Variants in TMEM135 observed in about 807,000 individuals in gnomAD.
The protein encoded by TMEM135 is peroxisomal membrane protein 52.
A neutral mutation model predicts 60.3 loss-of-function variants in TMEM135; 30 were observed. The observed-to-expected ratio is 0.50, with a 90% CI of 0.37 to 0.68. The LOEUF is 0.68. TMEM135 is among the 30% of genes least tolerant of loss of function. The pLI is 0.00. For missense variants in TMEM135, 468 were observed against 548.8 expected (o/e 0.85, Z 1.47); for synonymous variants, 190 against 186.7 (o/e 1.02, Z -0.14).
At position 87,235,379 on chromosome 11, in the gene TMEM135, A is replaced by T. The variant is rs182149755; in HGVS notation, c.463-1259A>T. Reference sequence around the variant, plus strand: ...TGTTACATAAATATATATAATATTTACTTCATATTAATTGATAACAATCCT... The same window carrying T: ...TGTTACATAAATATATATAATATTTTCTTCATATTAATTGATAACAATCCT... On this transcript the variant is annotated intron_variant, in intron 5 of 14. Coordinates refer to ENST00000305494, the MANE Select transcript of TMEM135 (RefSeq NM_022918.4). Among the ~76,000 whole-genome samples, 335 of 151,966 alleles carry T rather than the reference A, an allele frequency of 2.2e-3. 1 individual carries two copies. The highest frequency in any genetic ancestry group is 7.8e-3 in the African/African-American group (323 of 41,500).
chr11:87,142,438 CAAT>C (rs1938288873), intron 4 of TMEM135, among the ~76,000 whole-genome samples: 2 of 152,114 alleles, frequency 1.3e-5, no homozygotes. Context: ...TCCCCTATCT[CAAT>C]TATTATTTCA....
At position 87,326,135 on chromosome 11, in the gene TMEM135, C is replaced by T. The variant is rs1369305390; in HGVS notation, c.*4802C>T. 1 of 453,972 alleles carries T rather than the reference C, an allele frequency of 2.2e-6. No homozygotes were observed. Among genetic ancestry groups the T allele is most frequent in the South Asian group, 1.6e-5 (1 of 64,470 alleles). The allele number at this position is 453,972 out of a possible 1,614,324, so 28.1% of individuals were successfully genotyped here. On this transcript the variant is annotated 3_prime_UTR_variant, in exon 15 of 15. Coordinates refer to ENST00000305494, the MANE Select transcript of TMEM135 (RefSeq NM_022918.4). ...GTTTTGTGCCATACTCTCCCCCACC[C>T]CCAGCCTGCTGCCTCTGCAGAGCAT...
intron 5 of TMEM135, among the ~76,000 whole-genome samples, chr11:87,181,377 A>C (rs1485532150): frequency 6.6e-6 from 1 of 152,208 alleles, no homozygotes; most frequent in African/African-American, 2.4e-5. Flanking sequence ...GACCCAGAGG[A>C]GAGGACAAAG....
intron 6 of TMEM135, among the ~76,000 whole-genome samples, chr11:87,271,583 T>C (rs1361605684): frequency 6.6e-6 from 1 of 152,188 alleles, no homozygotes; most frequent in African/African-American, 2.4e-5. Context: ...ATATTTTATA[T>C]TGATTATTTG....
intron 5 of TMEM135, among the ~76,000 whole-genome samples, chr11:87,188,317 T>C (rs1278044076): frequency 6.6e-5 from 10 of 152,198 alleles, no homozygotes; most frequent in Admixed American, 3.9e-4. Flanking sequence ...AATAAGAAGT[T>C]ATAGCCTAGC....
intron 8 of TMEM135, 73 bp downstream of exon 8, chr11:87,302,515 A>AT: frequency 6.3e-7 from 1 of 1,594,674 alleles, no homozygotes; most frequent in Non-Finnish European, 8.6e-7. Context: ...TGCCAAGGTT[A>AT]TTTTTGTTTT....
At chr11:87,234,570 A>G (rs1161426526) in intron 5 of TMEM135, among the ~76,000 whole-genome samples, 1 of 152,044 alleles carries the variant, frequency 6.6e-6, no homozygotes, top group East Asian at 1.9e-4. Flanking sequence ...CACTTATGTC[A>G]GTTACAAAAC....
intron 5 of TMEM135, among the ~76,000 whole-genome samples, chr11:87,172,717 A>G (rs1003293047): frequency 3.9e-5 from 6 of 152,124 alleles, no homozygotes; most frequent in South Asian, 2.1e-4. Context: ...CTTTAATTCA[A>G]TCAGCTTTCA....
chr11:87,072,202 A>G (rs541988841), intron 3 of TMEM135, among the ~76,000 whole-genome samples: 1 of 152,258 alleles, frequency 6.6e-6, no homozygotes, highest in African/African-American at 2.4e-5. Flanking sequence ...CTCAAAAAAC[A>G]AGCAAATAAA....
At chr11:87,042,634 T>G (rs1020239901) in intron 1 of TMEM135, among the ~76,000 whole-genome samples, 5 of 152,150 alleles carry the variant, frequency 3.3e-5, no homozygotes, top group African/African-American at 9.7e-5. Context: ...AGCCCCAACA[T>G]GAAGGAAGAT....
chr11:87,259,570 A>G (rs1046138440), intron 6 of TMEM135, among the ~76,000 whole-genome samples: 5 of 152,192 alleles, frequency 3.3e-5, no homozygotes, highest in Non-Finnish European at 7.4e-5. Context: ...TTCAAATAAA[A>G]CATCCATATT....
intron 7 of TMEM135, among the ~76,000 whole-genome samples, chr11:87,300,058 A>G (rs1252612192): frequency 2.0e-5 from 3 of 152,198 alleles, no homozygotes; most frequent in Non-Finnish European, 2.9e-5. Context: ...ATACAGACGC[A>G]TGGTTTATTT....
chr11:87,067,655 T>C (rs773717823), intron 1 of TMEM135, 39 bp from the exon 2 acceptor site: 17 of 1,611,370 alleles, frequency 1.1e-5, no homozygotes, highest in Non-Finnish European at 3.4e-6. Context: ...AAGTGGGAAA[T>C]GTTGGTTGGA....
At chr11:87,295,875 A>C in intron 7 of TMEM135, 52 bp downstream of exon 7, 1 of 1,411,894 alleles carries the variant, frequency 7.1e-7, no homozygotes, top group Non-Finnish European at 1.0e-6. Context: ...TTAACTTAAA[A>C]AATTATACAT....
rs187213412 is a variant in TMEM135, at chr11:87,254,357, A to G, written c.509+17673A>G. Among the ~76,000 whole-genome samples the G allele has an allele frequency of 2.0e-5, 3 of 152,290 alleles. No homozygotes were observed. In the East Asian group the frequency reaches 5.8e-4, roughly 29 times the overall value. ...GTGTTTTAGGAGATTCCATGGTAGAATAGAAATTGTACAGTCTTCAATGCC... is the reference window on the plus strand; with the variant it reads ...GTGTTTTAGGAGATTCCATGGTAGAGTAGAAATTGTACAGTCTTCAATGCC... On this transcript the variant is annotated intron_variant, in intron 6 of 14. Coordinates refer to ENST00000305494, the MANE Select transcript of TMEM135 (RefSeq NM_022918.4).
intron 5 of TMEM135, among the ~76,000 whole-genome samples, chr11:87,168,300 C>T (rs509277): frequency 0.37 from 55,897 of 151,772 alleles, 10,821 homozygotes; most frequent in East Asian, 0.67. Flanking sequence ...GTATCTCTAT[C>T]TCCTTCAGTT....
intron 5 of TMEM135, among the ~76,000 whole-genome samples, chr11:87,160,485 A>T (rs544158901): frequency 6.6e-6 from 1 of 152,310 alleles, no homozygotes; most frequent in South Asian, 2.1e-4. Flanking sequence ...GTGGTCAAAT[A>T]GCTAGGAAAT....
In TMEM135 at chr11:87,159,585, A is replaced by ACGCGCG. The variant is rs1410586644; in HGVS notation, c.462+2180_462+2181insGCGCGC. On this transcript the variant is annotated intron_variant, in intron 5 of 14. Coordinates refer to ENST00000305494, the MANE Select transcript of TMEM135 (RefSeq NM_022918.4). ...ACAAATCAAAGATACTACTGAATAC[A>ACGCGCG]CACACGCGCACACACACACACACAC... 4.1e-5 allele frequency among the ~76,000 whole-genome samples: 5 copies of ACGCGCG among 120,970 alleles called. No homozygotes were observed. The East Asian group carries it at 1.8e-3, about 44-fold the overall frequency. 79.4% of individuals were successfully genotyped at this position (120,970 alleles called of 152,430 possible).
At chr11:87,263,826 T>C (rs1941698203) in intron 6 of TMEM135, among the ~76,000 whole-genome samples, 1 of 152,064 alleles carries the variant, frequency 6.6e-6, no homozygotes, top group South Asian at 2.1e-4. Context: ...TTTTGCATAA[T>C]TTACTTTCAA....
Sources: gnomAD v4.1 joint callset for allele counts (sites outside exome capture counted in the v4.1 genomes callset) on GRCh38, gnomAD v4.1.1 for gene constraint, MANE v1.5 for transcripts, NCBI Gene and HGNC (gene_info 2026-07-23, HGNC 2026-07-21) for gene names.